UMAD1: variants seen among roughly 807,000 people sequenced by gnomAD.
UMAD1 encodes UBAP1-MVB12-associated (UMA)-domain containing protein 1.
Under a neutral mutation model 6.1 loss-of-function variants are expected in UMAD1, and 8 were observed. That is an observed-to-expected ratio of 1.30 (90% confidence interval 0.76 to 2.35). UMAD1 has a LOEUF of 2.35. Ranked by LOEUF, UMAD1 falls within the 30% of genes most tolerant of loss-of-function variation. The probability of loss-of-function intolerance (pLI) is 0.00; values close to 1 mark genes in which losing one functional copy is unlikely to be tolerated. For synonymous variants in UMAD1, 56 were observed against 31.4 expected, an observed-to-expected ratio of 1.78 and a Z score of -2.61; for missense variants, 130 against 78.4, an observed-to-expected ratio of 1.66 and a Z score of -2.49.
At chr7:7,766,744 T>C (rs1781991783) in intron 2 of UMAD1, among the ~76,000 whole-genome samples, 1 of 152,238 alleles carries the variant, frequency 6.6e-6, no homozygotes, top group Non-Finnish European at 1.5e-5. Flanking sequence ...TAAATATATA[T>C]GTAATTTCCT....
intron 3 of UMAD1, among the ~76,000 whole-genome samples, chr7:7,815,393 A>T (rs1783106550): frequency 6.6e-6 from 1 of 152,206 alleles, no homozygotes; most frequent in Non-Finnish European, 1.5e-5. Context: ...CTTAAAAATC[A>T]TGCCAGAGTA....
At chr7:7,822,178 TG>T (rs1407714406) in intron 3 of UMAD1, among the ~76,000 whole-genome samples, 3 of 152,098 alleles carry the variant, frequency 2.0e-5, no homozygotes, top group Non-Finnish European at 1.5e-5. Flanking sequence ...AAATTTTTGA[TG>T]TATGTATTGT....
intron 2 of UMAD1, among the ~76,000 whole-genome samples, chr7:7,747,931 T>C (rs548826876): frequency 1.3e-5 from 2 of 152,186 alleles, no homozygotes; most frequent in Non-Finnish European, 2.9e-5. Flanking sequence ...AAACAATGCA[T>C]AATCATCTAA....
chr7:7,718,233 C>G (rs1227548428), intron 2 of UMAD1, among the ~76,000 whole-genome samples: 1 of 152,030 alleles, frequency 6.6e-6, no homozygotes, highest in Non-Finnish European at 1.5e-5. Flanking sequence ...TTTTTATCCC[C>G]AAGGGTATTT....
At chr7:7,743,940 A>G (rs1781520595) in intron 2 of UMAD1, among the ~76,000 whole-genome samples, 1 of 152,118 alleles carries the variant, frequency 6.6e-6, no homozygotes, top group African/African-American at 2.4e-5. Flanking sequence ...TTAATATACC[A>G]TAACATTAAC....
chr7:7,810,737 G>A (rs1194759071), intron 3 of UMAD1, among the ~76,000 whole-genome samples: 1 of 152,120 alleles, frequency 6.6e-6, no homozygotes, highest in Non-Finnish European at 1.5e-5. Context: ...AGGAAACAAC[G>A]TATTCACTCA....
chr7:7,806,642 A>G (rs932202378), intron 3 of UMAD1, among the ~76,000 whole-genome samples: 4 of 152,228 alleles, frequency 2.6e-5, no homozygotes, highest in Non-Finnish European at 4.4e-5. Context: ...ATTTTCTTGC[A>G]TTTCTTTGGA....
chr7:7,685,802 T>C (rs1780030319), intron 2 of UMAD1: 1 of 152,240 alleles, frequency 6.6e-6, no homozygotes. Flanking sequence ...TCTTCCTTCA[T>C]TATATCATGA....
intron 1 of UMAD1, among the ~76,000 whole-genome samples, chr7:7,672,234 C>G (rs1779624321): frequency 1.3e-5 from 2 of 152,116 alleles, no homozygotes; most frequent in African/African-American, 2.4e-5. Flanking sequence ...AAGGAACTGT[C>G]CTCAGAATCC....
At chr7:7,837,017 A>C (rs1480760216) in intron 3 of UMAD1, among the ~76,000 whole-genome samples, 1 of 151,954 alleles carries the variant, frequency 6.6e-6, no homozygotes, top group Non-Finnish European at 1.5e-5. Flanking sequence ...GAATAAATGA[A>C]AGAAATCCAC....
At chr7:7,785,960 A>G (rs1245308983) in intron 2 of UMAD1, among the ~76,000 whole-genome samples, 4 of 152,010 alleles carry the variant, frequency 2.6e-5, no homozygotes, top group Admixed American at 2.0e-4. Flanking sequence ...CATCCTAACT[A>G]CTCCTCTCAT....
chr7:7,767,367 CG>C (rs1782009185), intron 2 of UMAD1, among the ~76,000 whole-genome samples: 1 of 150,052 alleles, frequency 6.7e-6, no homozygotes, highest in Non-Finnish European at 1.5e-5. Flanking sequence ...CCTCATGATC[CG>C]CCTGCCTCGG....
chr7:7,655,513 A>G (rs192792634), intron 1 of UMAD1, among the ~76,000 whole-genome samples: 154 of 152,320 alleles, frequency 1.0e-3, no homozygotes, highest in African/African-American at 3.3e-3. Context: ...TTGATGCTCT[A>G]TAATTGATTT....
At chr7:7,718,699 C>G (rs906587253) in intron 2 of UMAD1, 2 of 152,252 alleles carry the variant, frequency 1.3e-5, no homozygotes, top group Admixed American at 6.5e-5. Flanking sequence ...TCATTCTTGA[C>G]AGATGGCATT....
At chr7:7,750,556 G>A (rs1459523107) in intron 2 of UMAD1, among the ~76,000 whole-genome samples, 1 of 151,994 alleles carries the variant, frequency 6.6e-6, no homozygotes, top group Non-Finnish European at 1.5e-5. Context: ...ATTATACACG[G>A]TTTCATATTT....
chr7:7,826,258 G>T (rs766677465), intron 3 of UMAD1, among the ~76,000 whole-genome samples: 1 of 152,048 alleles, frequency 6.6e-6, no homozygotes, highest in Non-Finnish European at 1.5e-5. Context: ...GCAATTGAGG[G>T]CTGATAATAG....
chr7:7,705,576 T>A (rs879853851), intron 2 of UMAD1, among the ~76,000 whole-genome samples: 46 of 152,228 alleles, frequency 3.0e-4, no homozygotes, highest in Non-Finnish European at 6.3e-4. Context: ...ATTGTTTTCA[T>A]AATCATATTA....
intron 2 of UMAD1, among the ~76,000 whole-genome samples, chr7:7,724,390 A>G (rs1781102508): frequency 6.6e-6 from 1 of 152,112 alleles, no homozygotes; most frequent in Admixed American, 6.5e-5. Context: ...CAGAATGCAT[A>G]ATTGGCATAG....
At chr7:7,861,592 C>G (rs1184904477) in intron 3 of UMAD1, among the ~76,000 whole-genome samples, 4 of 152,094 alleles carry the variant, frequency 2.6e-5, no homozygotes, top group African/African-American at 7.2e-5. Flanking sequence ...ATTAGTCTAC[C>G]CTCATAATTT....
Sources: allele counts gnomAD v4.1 joint callset (sites outside exome capture counted in the v4.1 genomes callset), GRCh38; gene constraint gnomAD v4.1.1; transcripts MANE v1.5; gene names NCBI Gene and HGNC (gene_info 2026-07-23, HGNC 2026-07-21).